PLAT: variants seen among roughly 807,000 people sequenced by gnomAD.
The protein encoded by PLAT is tissue-type plasminogen activator.
Under a neutral mutation model 74.9 loss-of-function variants are expected in PLAT, and 48 were observed. The ratio of observed to expected loss-of-function variants is 0.64; its 90% CI spans 0.51 to 0.82. The LOEUF (loss-of-function observed/expected upper bound fraction) is 0.82, where lower values mean the gene tolerates loss of function less well. PLAT is among the 40% of genes least tolerant of loss of function. PLAT has a pLI of 0.00. For missense variants in PLAT, 673 were observed against 736.2 expected, an observed-to-expected ratio of 0.91 and a Z score of 0.99; for synonymous variants, 307 against 294.4, an observed-to-expected ratio of 1.04 and a Z score of -0.44.
At chr8:42,203,739 A>G (rs995942534) in intron 1 of PLAT, among the ~76,000 whole-genome samples, 1 of 152,082 alleles carries the variant, frequency 6.6e-6, no homozygotes, top group African/African-American at 2.4e-5. Flanking sequence ...CCATGGCAAG[A>G]GGGTTGCTTG....
chr8:42,175,904 G>A lies in PLAT; in HGVS notation c.*89C>T. On this transcript the variant is annotated 3_prime_UTR_variant, in exon 14 of 14. Coordinates refer to ENST00000220809, the MANE Select transcript of PLAT (RefSeq NM_000930.5). ...TCTGCGGTGTGGTGGGTCTGGAGAAGTCTGTAGAGAAGCACTGCGCCTTTG... is the reference window on the plus strand; with the variant it reads ...TCTGCGGTGTGGTGGGTCTGGAGAAATCTGTAGAGAAGCACTGCGCCTTTG... 2 of 1,332,554 alleles carry A rather than the reference G, an allele frequency of 1.5e-6. No individual in the cohort carries two copies. Among genetic ancestry groups the A allele is most frequent in the Non-Finnish European group, 2.1e-6 (2 of 941,742 alleles). The allele number at this position is 1,332,554 out of a possible 1,614,324, so 82.5% of individuals were successfully genotyped here. A position where few individuals can be genotyped will look rare whatever the true frequency, so the allele number is the denominator to read the frequency against.
At position 42,175,294 on chromosome 8, in the gene PLAT, G is replaced by A. The variant is rs1804921783; in HGVS notation, c.*699C>T. On this transcript the variant is annotated 3_prime_UTR_variant, in exon 14 of 14. Transcript: ENST00000220809. ...TAAGTACAGTATAAAACAGGGTTGT[G>A]GCAACAGAAAGTAAAAACTAACATG... The A allele has an allele frequency of 1.3e-5, 2 of 152,218 alleles. No homozygotes were observed. The highest frequency in any genetic ancestry group is 4.8e-5 in the African/African-American group (2 of 41,454). The allele number at this position is 152,218 out of a possible 1,614,324, so 9.4% of individuals were successfully genotyped here. A position where few individuals can be genotyped will look rare whatever the true frequency, so the allele number is the denominator to read the frequency against.
chr8:42,187,539 A>C lies in PLAT; in HGVS notation c.398T>G (p.Ile133Ser). 1 of 1,609,122 alleles carries C rather than the reference A, an allele frequency of 6.2e-7. No individual in the cohort carries two copies. Among genetic ancestry groups the C allele is most frequent in the South Asian group, 1.1e-5 (1 of 90,862 alleles). ...TGTGCTCCACGTGCCCCTGTAGCTG[A>C]TGCCCTGGTCCTCGTAGCACGTGGC... is the stretch of plus-strand genomic sequence containing the variant. ...TRATCYEDQG[I>S]SYRGTWSTAE... The change falls in exon 6 of 14, where the codon ATC (isoleucine) becomes AGC (serine). Residue 133 changes from isoleucine (I) to serine (S), a missense_variant. Transcript: ENST00000220809.
At chr8:42,187,611 C>A (rs1805534755) in intron 5 of PLAT, 39 bp from the exon 6 acceptor site, 2 of 1,537,656 alleles carry the variant, frequency 1.3e-6, no homozygotes, top group South Asian at 1.2e-5. Flanking sequence ...ACATGGGAGT[C>A]CCCTTTCATT....
intron 13 of PLAT, among the ~76,000 whole-genome samples, chr8:42,178,327 A>G (rs1587926262): frequency 6.9e-6 from 1 of 145,442 alleles, no homozygotes; most frequent in Non-Finnish European, 1.5e-5. Context: ...CTGAAGCGCA[A>G]TGGCGCGATC....
intron 11 of PLAT, 31 bp from the exon 12 acceptor site, chr8:42,180,097 G>T (rs754241962): frequency 6.3e-7 from 1 of 1,595,556 alleles, no homozygotes; most frequent in Non-Finnish European, 8.6e-7. Flanking sequence ...GTGAGCTGGC[G>T]TGAGGGCCGC....
chr8:42,190,858 G>A (rs1805654727), intron 3 of PLAT, among the ~76,000 whole-genome samples: 1 of 152,134 alleles, frequency 6.6e-6, no homozygotes, highest in African/African-American at 2.4e-5. Context: ...TCCCAGTTGG[G>A]ACATCCCGGT....
intron 6 of PLAT, chr8:42,186,826 ATCT>A (rs147661402): frequency 0.1 from 15,580 of 151,544 alleles, 1,008 homozygotes; most frequent in East Asian, 0.19. Context: ...TCATCTATCA[ATCT>A]TCTATCATCT....
intron 7 of PLAT, among the ~76,000 whole-genome samples, chr8:42,184,212 A>G (rs1193223398): frequency 6.7e-6 from 1 of 148,860 alleles, no homozygotes; most frequent in Non-Finnish European, 1.5e-5. Context: ...AAGTGCTGGG[A>G]TTATAGACAC....
rs1239064622 is a variant in PLAT at position 42,192,553 on chromosome 8, A to G, written c.72+561T>C. 3.3e-5 allele frequency among the ~76,000 whole-genome samples: 5 copies of G among 152,138 alleles called. No individual in the cohort carries two copies. The East Asian group carries it at 7.7e-4, about 23-fold the overall frequency. Reference sequence around the variant, plus strand: ...CTGTTTCCAAAAAATATATAAATAAATAATACAACAATAAAAATAACACAA... The same window carrying G: ...CTGTTTCCAAAAAATATATAAATAAGTAATACAACAATAAAAATAACACAA... On this transcript the variant is annotated intron_variant, in intron 2 of 13. Transcript: ENST00000220809.
intron 1 of PLAT, among the ~76,000 whole-genome samples, chr8:42,204,095 G>A (rs545958869): frequency 9.3e-5 from 14 of 150,966 alleles, no homozygotes; most frequent in African/African-American, 2.7e-4. Flanking sequence ...AGCCACTATC[G>A]GAAGACCATG....
At chr8:42,196,670 G>A (rs1399219023) in intron 1 of PLAT, among the ~76,000 whole-genome samples, 2 of 152,178 alleles carry the variant, frequency 1.3e-5, no homozygotes, top group African/African-American at 4.8e-5. Flanking sequence ...TGGACTTTGG[G>A]CCTCACCAAA....
chr8:42,196,897 T>C (rs1213686453), intron 1 of PLAT, among the ~76,000 whole-genome samples: 1 of 146,634 alleles, frequency 6.8e-6, no homozygotes, highest in African/African-American at 2.5e-5. Context: ...CACAGAAGGA[T>C]AGAAAAGGAA....
chr8:42,198,821 G>A (rs996390775), intron 1 of PLAT, among the ~76,000 whole-genome samples: 1 of 152,002 alleles, frequency 6.6e-6, no homozygotes, highest in Non-Finnish European at 1.5e-5. Flanking sequence ...GTCTTCAAGA[G>A]TACCAATACC....
intron 1 of PLAT, among the ~76,000 whole-genome samples, chr8:42,201,927 TACA>T (rs1806146600): frequency 2.0e-5 from 3 of 152,250 alleles, no homozygotes; most frequent in African/African-American, 4.8e-5. Context: ...CGGCTCTTGC[TACA>T]ACAAGATAAA....
chr8:42,195,216 C>T (rs1378125391), intron 1 of PLAT, among the ~76,000 whole-genome samples: 2 of 146,492 alleles, frequency 1.4e-5, no homozygotes, highest in African/African-American at 2.5e-5. Context: ...ATTGTTACTT[C>T]GAAACGAACT....
intron 9 of PLAT, among the ~76,000 whole-genome samples, chr8:42,181,226 T>C (rs1805227929): frequency 6.6e-6 from 1 of 152,234 alleles, no homozygotes; most frequent in African/African-American, 2.4e-5. Flanking sequence ...TGGACTTGTG[T>C]TCCTTGGGGA....
chr8:42,193,455 C>T (rs1050445373), intron 1 of PLAT, among the ~76,000 whole-genome samples: 4 of 152,164 alleles, frequency 2.6e-5, no homozygotes, highest in Non-Finnish European at 5.9e-5. Flanking sequence ...GCATTAAGCA[C>T]GTCATATTGC....
At position 42,179,042 on chromosome 8, in the gene PLAT, C is replaced by G. The variant is rs199540133; in HGVS notation, c.1385G>C (p.Arg462Pro). The part of the protein sequence containing the change: ...HEALSPFYSE[R>P]LKEAHVRLYP... ...CAGTCTGACATGAGCCTCCTTCAGC[C>G]GCTCCGAATAGAAAGGAGACACTGA... Residue 462 changes from arginine to proline, a missense_variant, in exon 13 of 14, where the codon CGG (arginine) becomes CCG (proline). Physicochemically the swap from Arg to Pro is moderately radical, Grantham distance 103 (BLOSUM62 -2). Coordinates refer to ENST00000220809, the MANE Select transcript of PLAT (RefSeq NM_000930.5). 19 of 1,612,440 alleles carry G rather than the reference C, an allele frequency of 1.2e-5. No individual in the cohort carries two copies. The highest frequency in any genetic ancestry group is 1.6e-5 in the Non-Finnish European group (19 of 1,178,644).
Sources: allele counts gnomAD v4.1 joint callset (sites outside exome capture counted in the v4.1 genomes callset), GRCh38; gene constraint gnomAD v4.1.1; transcripts MANE v1.5; gene names NCBI Gene and HGNC (gene_info 2026-07-23, HGNC 2026-07-21).